CHPT1: variants seen among roughly 807,000 people sequenced by gnomAD.
CHPT1 encodes choline phosphotransferase 1, also known as cholinephosphotransferase 1.
Under a neutral mutation model 47.6 loss-of-function variants are expected in CHPT1, and 36 were observed. That is an observed-to-expected ratio of 0.76 (90% CI 0.58 to 1.00). The LOEUF is 1.00. Among genes scored for constraint, CHPT1 ranks in the 50% least tolerant of loss-of-function variants. The pLI, the probability that CHPT1 is intolerant of heterozygous loss-of-function variation, is 0.00. For missense variants in CHPT1, 458 were observed against 498.1 expected (o/e 0.92, Z 0.77); for synonymous variants, 194 against 186.3 (o/e 1.04, Z -0.33).
At chr12:101,705,900 A>G (rs1397499051) in intron 1 of CHPT1, among the ~76,000 whole-genome samples, 11 of 150,312 alleles carry the variant, frequency 7.3e-5, no homozygotes, top group Non-Finnish European at 1.6e-4. Flanking sequence ...TAATTTTTGT[A>G]TTTTTAGTAG....
chr12:101,700,028 AT>A (rs1424925732), intron 1 of CHPT1, among the ~76,000 whole-genome samples: 1 of 152,260 alleles, frequency 6.6e-6, no homozygotes, highest in Admixed American at 6.5e-5. Flanking sequence ...CAAATTAAAA[AT>A]ATCACTCAAC....
rs762467239 is a variant in CHPT1, at chr12:101,720,205, T to A, written c.731T>A (p.Phe244Tyr). ...GTAATATTTTCCTGTTCAAATTATT[T>A]CCATGTTATCCTCCATGGTGGTGTT... ...GGVIFSCSNY[F>Y]HVILHGGVGK... Residue 244 changes from phenylalanine (F) to tyrosine (Y), a missense_variant, in exon 5 of 9, where the codon TTC (phenylalanine) becomes TAC (tyrosine). Coordinates refer to ENST00000229266, the MANE Select transcript of CHPT1 (RefSeq NM_020244.3). 1.2e-6 allele frequency: 2 copies of A among 1,604,366 alleles called. No homozygotes were observed. Among genetic ancestry groups the A allele is most frequent in the South Asian group, 2.2e-5 (2 of 89,344 alleles).
intron 6 of CHPT1, 68 bp from the exon 7 acceptor site, chr12:101,723,654 A>T: frequency 2.0e-6 from 2 of 980,188 alleles, no homozygotes; most frequent in Non-Finnish European, 2.9e-6. Context: ...AGTTATAATT[A>T]ATTCTGTCGT....
intron 8 of CHPT1, 139 bp from the exon 9 acceptor site, chr12:101,728,762 T>C (rs1952044287): frequency 5.3e-6 from 5 of 936,090 alleles, no homozygotes; most frequent in African/African-American, 1.7e-5. Flanking sequence ...AACTAACTCA[T>C]AACTATTTAG....
chr12:101,720,088 G>C (rs1225466192), intron 4 of CHPT1, 35 bp from the exon 5 acceptor site: 1 of 1,504,286 alleles, frequency 6.6e-7, no homozygotes, highest in East Asian at 2.3e-5. Flanking sequence ...CCAAAATTCT[G>C]TTGTCTTAAT....
Position 101,700,535 on chromosome 12 carries a change from A to G in CHPT1, c.273+2401A>G, listed in dbSNP as rs780711671. 2.0e-5 allele frequency among the ~76,000 whole-genome samples: 3 copies of G among 152,206 alleles called. No individual in the cohort carries two copies. In the East Asian group the frequency reaches 5.8e-4, roughly 29 times the overall value. On this transcript the variant is annotated intron_variant, in intron 1 of 8. Transcript: ENST00000229266. ...TTGCTTGTTTGGTGAAAGCCCAGCA[A>G]CAGTGTGAAGAGTGTAGCAGTTTCT... is the stretch of plus-strand genomic sequence containing the variant.
At chr12:101,718,626 T>G (rs923191430) in intron 4 of CHPT1, among the ~76,000 whole-genome samples, 1 of 144,114 alleles carries the variant, frequency 6.9e-6, no homozygotes, top group Non-Finnish European at 1.5e-5. Context: ...TGCCACTGAC[T>G]ACACTCCTGC....
chr12:101,725,681 C>T (rs1403973543), intron 7 of CHPT1, among the ~76,000 whole-genome samples: 1 of 150,666 alleles, frequency 6.6e-6, no homozygotes, highest in Non-Finnish European at 1.5e-5. Context: ...AAGCTTTTAA[C>T]ATAAATGATA....
rs367760681 is a variant in CHPT1 at position 101,725,197 on chromosome 12, TTAA to T, written c.1066-1093_1066-1091del. Among the ~76,000 whole-genome samples, 354 of 152,250 alleles carry T rather than the reference TTAA, an allele frequency of 2.3e-3. 4 individuals carry two copies. Among genetic ancestry groups the T allele is most frequent in the African/African-American group, 8.1e-3 (338 of 41,548 alleles). ...TGTAGTATGCTTTTTCTGGAGTAAC[TTAA>T]TAACGTAATATTCATTCATAGTCCA... On this transcript the variant is annotated intron_variant, in intron 7 of 8. Coordinates refer to ENST00000229266, the MANE Select transcript of CHPT1 (RefSeq NM_020244.3).
intron 1 of CHPT1, among the ~76,000 whole-genome samples, chr12:101,709,218 A>C (rs915179292): frequency 2.0e-4 from 30 of 146,966 alleles, no homozygotes; most frequent in African/African-American, 5.9e-4. Context: ...TAGCATAGCC[A>C]GATGCTGTCT....
chr12:101,723,818 G>A lies in CHPT1; in HGVS notation c.1036G>A (p.Asp346Asn). The A allele has an allele frequency of 6.6e-7, 1 of 1,526,498 alleles. No individual in the cohort carries two copies. The highest frequency in any genetic ancestry group is 9.0e-7 in the Non-Finnish European group (1 of 1,109,396). 94.6% of individuals were successfully genotyped at this position (1,526,498 alleles called of 1,614,324 possible). Residue 346 changes from aspartate to asparagine, a missense_variant, in exon 7 of 9, where the codon GAC (aspartate) becomes AAC (asparagine). Physicochemically the swap from Asp to Asn is conservative, Grantham distance 23. Transcript: ENST00000229266. ...AGACCAGTACTTTAATAACTTTATAGACGAATATGTTGTTCTATGGATGGC... is the reference window on the plus strand; with the variant it reads ...AGACCAGTACTTTAATAACTTTATAAACGAATATGTTGTTCTATGGATGGC... ...FLDQYFNNFI[D>N]EYVVLWMAMV...
chr12:101,703,008 T>C (rs182932610), intron 1 of CHPT1, among the ~76,000 whole-genome samples: 1 of 152,314 alleles, frequency 6.6e-6, no homozygotes, highest in Non-Finnish European at 1.5e-5. Context: ...TTCCCTTGAT[T>C]CCTATGGCTT....
intron 1 of CHPT1, among the ~76,000 whole-genome samples, chr12:101,703,294 C>G (rs1275693272): frequency 6.6e-6 from 1 of 152,146 alleles, no homozygotes. Flanking sequence ...AGCACAGTGA[C>G]AGGCTGGCAT....
chr12:101,724,164 A>G (rs1951904357), intron 7 of CHPT1, among the ~76,000 whole-genome samples: 1 of 151,446 alleles, frequency 6.6e-6, no homozygotes, highest in African/African-American at 2.4e-5. Flanking sequence ...GGTTGCGGTG[A>G]GCCGAGATCA....
At chr12:101,701,627 C>T (rs1192001780) in intron 1 of CHPT1, among the ~76,000 whole-genome samples, 1 of 152,084 alleles carries the variant, frequency 6.6e-6, no homozygotes, top group African/African-American at 2.4e-5. Context: ...GGATCTTTAC[C>T]GTTTTATTTT....
intron 1 of CHPT1, among the ~76,000 whole-genome samples, chr12:101,701,995 A>G (rs1164850853): frequency 6.6e-6 from 1 of 152,212 alleles, no homozygotes; most frequent in Non-Finnish European, 1.5e-5. Context: ...CCTCACTTTG[A>G]TGAAGCAGTT....
chr12:101,708,699 C>A (rs1009029607), intron 1 of CHPT1, among the ~76,000 whole-genome samples: 10 of 149,802 alleles, frequency 6.7e-5, no homozygotes, highest in African/African-American at 2.2e-4. Context: ...TGGGTTCAAG[C>A]AATTCTCGTG....
At chr12:101,712,276 C>A (rs1951709233) in intron 1 of CHPT1, among the ~76,000 whole-genome samples, 1 of 148,476 alleles carries the variant, frequency 6.7e-6, no homozygotes, top group South Asian at 2.2e-4. Flanking sequence ...CCACCTTGGC[C>A]TCCCAAAGTG....
intron 7 of CHPT1, among the ~76,000 whole-genome samples, chr12:101,725,221 G>T (rs1435876381): frequency 6.6e-6 from 1 of 151,906 alleles, no homozygotes; most frequent in Non-Finnish European, 1.5e-5. Flanking sequence ...TTCATTCATA[G>T]TCCATTCAGA....
Sources: gnomAD v4.1 joint callset for allele counts (sites outside exome capture counted in the v4.1 genomes callset) on GRCh38, gnomAD v4.1.1 for gene constraint, MANE v1.5 for transcripts, NCBI Gene and HGNC (gene_info 2026-07-23, HGNC 2026-07-21) for gene names.